The following HS6ST3 variants were observed in gnomAD, a reference collection of about 807,000 sequenced individuals.
HS6ST3 encodes heparan-sulfate 6-O-sulfotransferase 3.
In HS6ST3, 12 loss-of-function variants were observed where a neutral mutation model predicts 36.7. That is an observed-to-expected ratio of 0.33 (90% CI 0.21 to 0.53). The LOEUF (loss-of-function observed/expected upper bound fraction) is 0.53, where lower values mean the gene tolerates loss of function less well. Ranked by LOEUF, HS6ST3 falls within the 20% of genes least tolerant of loss-of-function variation. The pLI is 0.95. For missense variants in HS6ST3, 584 were observed against 640.9 expected, an observed-to-expected ratio of 0.91 and a Z score of 0.96; for synonymous variants, 240 against 257.5, an observed-to-expected ratio of 0.93 and a Z score of 0.65.
chr13:96,650,236 A>G (rs940978560), intron 1 of HS6ST3, among the ~76,000 whole-genome samples: 3 of 152,132 alleles, frequency 2.0e-5, no homozygotes, highest in Admixed American at 6.6e-5. Flanking sequence ...TACCATGTAT[A>G]TCCCCAACTA....
intron 1 of HS6ST3, among the ~76,000 whole-genome samples, chr13:96,498,886 T>C (rs1017145920): frequency 6.6e-6 from 1 of 152,208 alleles, no homozygotes; most frequent in Admixed American, 6.5e-5. Flanking sequence ...TGAGTTGCAC[T>C]AAGAAAAGAC....
chr13:96,509,521 A>G (rs1003483174), intron 1 of HS6ST3, among the ~76,000 whole-genome samples: 3 of 152,140 alleles, frequency 2.0e-5, no homozygotes, highest in Non-Finnish European at 1.5e-5. Flanking sequence ...TGATTTTTGT[A>G]TAAGGTGAAA....
intron 1 of HS6ST3, among the ~76,000 whole-genome samples, chr13:96,607,845 C>A (rs916644342): frequency 6.6e-6 from 1 of 152,162 alleles, no homozygotes; most frequent in Admixed American, 6.5e-5. Flanking sequence ...GAATTTGAAT[C>A]TAATCTGAAT....
chr13:96,480,306 G>A (rs942527637), intron 1 of HS6ST3, among the ~76,000 whole-genome samples: 3 of 152,072 alleles, frequency 2.0e-5, no homozygotes, highest in South Asian at 4.2e-4. Flanking sequence ...TAGAGATGCG[G>A]TTTCACCATG....
intron 1 of HS6ST3, among the ~76,000 whole-genome samples, chr13:96,540,620 T>G (rs1019892319): frequency 6.6e-6 from 1 of 152,328 alleles, no homozygotes; most frequent in African/African-American, 2.4e-5. Flanking sequence ...ATGTCTTAAC[T>G]TGATATTTTA....
At chr13:96,695,289 A>G (rs1399738941) in intron 1 of HS6ST3, among the ~76,000 whole-genome samples, 1 of 152,154 alleles carries the variant, frequency 6.6e-6, no homozygotes, top group African/African-American at 2.4e-5. Flanking sequence ...TTTGTGATGG[A>G]CAGTCTCCTT....
At chr13:96,620,271 G>T (rs981662412) in intron 1 of HS6ST3, among the ~76,000 whole-genome samples, 1 of 152,180 alleles carries the variant, frequency 6.6e-6, no homozygotes, top group Non-Finnish European at 1.5e-5. Flanking sequence ...ATTAAGTATG[G>T]TTTAGTCAAG....
intron 1 of HS6ST3, among the ~76,000 whole-genome samples, chr13:96,269,424 A>G (rs1325731566): frequency 6.6e-6 from 1 of 152,060 alleles, no homozygotes; most frequent in African/African-American, 2.4e-5. Context: ...TTCCTCAAAC[A>G]AAATGTGACC....
rs1429162156 is a variant in HS6ST3, at chr13:96,353,326, G to A, written c.707+261757G>A. On this transcript the variant is annotated intron_variant, in intron 1 of 1. Coordinates refer to ENST00000376705, the MANE Select transcript of HS6ST3 (RefSeq NM_153456.4). ...TTACTGAAGATAGTACTAATAGGGAGACAAATTAATGGAAGTGAATAGGTT... is the reference window on the plus strand; with the variant it reads ...TTACTGAAGATAGTACTAATAGGGAAACAAATTAATGGAAGTGAATAGGTT... Among the ~76,000 whole-genome samples, 3 of 151,956 alleles carry A rather than the reference G, an allele frequency of 2.0e-5. No homozygotes were observed. The East Asian group carries it at 5.9e-4, about 30-fold the overall frequency.
At chr13:96,606,582 A>AGAGGGAGGGACAGAGGGAGG (rs2056439380) in intron 1 of HS6ST3, among the ~76,000 whole-genome samples, 1 of 110,936 alleles carries the variant, frequency 9.0e-6, no homozygotes, top group African/African-American at 3.6e-5. Flanking sequence ...GAGGAGGGAG[A>AGAGGGAGGGACAGAGGGAGG]GAGGGAGGGA....
intron 1 of HS6ST3, among the ~76,000 whole-genome samples, chr13:96,400,214 CACAG>C (rs1483600837): frequency 4.0e-5 from 6 of 150,056 alleles, no homozygotes; most frequent in Admixed American, 2.0e-4. Context: ...CACATATACA[CACAG>C]ACACAGACTC....
intron 1 of HS6ST3, among the ~76,000 whole-genome samples, chr13:96,340,757 C>T (rs2055126081): frequency 6.6e-6 from 1 of 152,224 alleles, no homozygotes; most frequent in Non-Finnish European, 1.5e-5. Context: ...CAGGGCTTAA[C>T]ATACTATTCT....
At chr13:96,210,042 G>A (rs1242309699) in intron 1 of HS6ST3, among the ~76,000 whole-genome samples, 4 of 152,118 alleles carry the variant, frequency 2.6e-5, no homozygotes, top group Non-Finnish European at 5.9e-5. Context: ...GATGCTCAGT[G>A]AATTATTATT....
chr13:96,610,588 G>T (rs2056453822), intron 1 of HS6ST3, among the ~76,000 whole-genome samples: 2 of 152,082 alleles, frequency 1.3e-5, no homozygotes, highest in Non-Finnish European at 2.9e-5. Context: ...TTGGTGTCCA[G>T]AAAGAAGGAA....
At chr13:96,321,166 C>T (rs78119873) in intron 1 of HS6ST3, among the ~76,000 whole-genome samples, 5 of 151,578 alleles carry the variant, frequency 3.3e-5, no homozygotes, top group African/African-American at 4.8e-5. Flanking sequence ...TCAGCTTATA[C>T]GAAGACAATA....
At chr13:96,359,212 A>G (rs1184321980) in intron 1 of HS6ST3, among the ~76,000 whole-genome samples, 6 of 152,060 alleles carry the variant, frequency 3.9e-5, no homozygotes, top group Admixed American at 2.6e-4. Flanking sequence ...AAACAAATAC[A>G]TTATGATTGA....
intron 1 of HS6ST3, among the ~76,000 whole-genome samples, chr13:96,707,679 A>T (rs965367269): frequency 6.6e-6 from 1 of 152,182 alleles, no homozygotes; most frequent in African/African-American, 2.4e-5. Flanking sequence ...GTGCACTGGG[A>T]GTCAGGCACC....
At chr13:96,813,427 G>A (rs1878360598) in intron 1 of HS6ST3, among the ~76,000 whole-genome samples, 2 of 152,092 alleles carry the variant, frequency 1.3e-5, no homozygotes, top group Non-Finnish European at 2.9e-5. Context: ...TGAGACCCTG[G>A]GGCACAGCCT....
At chr13:96,319,909 C>T (rs1594752274) in intron 1 of HS6ST3, among the ~76,000 whole-genome samples, 1 of 152,124 alleles carries the variant, frequency 6.6e-6, no homozygotes, top group Admixed American at 6.5e-5. Flanking sequence ...AACAAGATTG[C>T]TGCCCCAGAA....
Sources: allele counts gnomAD v4.1 joint callset (sites outside exome capture counted in the v4.1 genomes callset), GRCh38; gene constraint gnomAD v4.1.1; transcripts MANE v1.5; gene names NCBI Gene and HGNC (gene_info 2026-07-23, HGNC 2026-07-21).